Variants in CDS2 observed in about 807,000 individuals in gnomAD.
CDS2 encodes CDP-diacylglycerol synthase 2.
Under a neutral mutation model 59.0 loss-of-function variants are expected in CDS2, and 47 were observed. The ratio of observed to expected loss-of-function variants is 0.80; its 90% CI spans 0.63 to 1.02. CDS2 has a LOEUF of 1.02. CDS2 is among the 50% of genes least tolerant of loss of function. CDS2 has a pLI of 0.00. For synonymous variants in CDS2, 207 were observed against 206.4 expected, an observed-to-expected ratio of 1.00 and a Z score of -0.02; for missense variants, 356 against 558.9, an observed-to-expected ratio of 0.64 and a Z score of 3.66.
chr20:5,170,381 C>T (rs534404349), intron 1 of CDS2, among the ~76,000 whole-genome samples: 6 of 152,286 alleles, frequency 3.9e-5, no homozygotes, highest in East Asian at 1.9e-4. Flanking sequence ...CTTCCTTTTC[C>T]GGGGTATGAG....
chr20:5,185,371 G>A (rs2091059892), intron 8 of CDS2, among the ~76,000 whole-genome samples: 1 of 152,184 alleles, frequency 6.6e-6, no homozygotes, highest in Admixed American at 6.5e-5. Context: ...GCTTCAAGGA[G>A]CTGTGATAGT....
chr20:5,191,542 G>A lies in CDS2; in HGVS notation c.*1308G>A, dbSNP rs1029329796. On this transcript the variant is annotated 3_prime_UTR_variant, in exon 13 of 13. Transcript: ENST00000460006. Reference sequence around the variant, plus strand: ...GCACCCAAATATATCAAACTATTCCGTGCCGTGGATGTTTTCATTGCCAAC... The same window carrying A: ...GCACCCAAATATATCAAACTATTCCATGCCGTGGATGTTTTCATTGCCAAC... 5 of 152,132 alleles carry A rather than the reference G, an allele frequency of 3.3e-5. No homozygotes were observed. Among genetic ancestry groups the A allele is most frequent in the Non-Finnish European group, 2.9e-5 (2 of 68,032 alleles). The allele number at this position is 152,132 out of a possible 1,614,324, so 9.4% of individuals were successfully genotyped here. A position where few individuals can be genotyped will look rare whatever the true frequency, so the allele number is the denominator to read the frequency against.
chr20:5,177,683 G>A (rs1051115004), intron 4 of CDS2, among the ~76,000 whole-genome samples: 6 of 152,136 alleles, frequency 3.9e-5, no homozygotes, highest in Non-Finnish European at 7.4e-5. Context: ...GGAGAGCAGT[G>A]GTTTTTGCCC....
intron 1 of CDS2, among the ~76,000 whole-genome samples, chr20:5,136,141 A>G (rs1197862061): frequency 6.6e-6 from 1 of 151,588 alleles, no homozygotes; most frequent in African/African-American, 2.4e-5. Context: ...TGAGTGGGCA[A>G]CTCTCAGAGC....
chr20:5,189,144 A>C lies in CDS2; in HGVS notation c.1059A>C (p.Gly353=), dbSNP rs758192217. 2 of 1,614,182 alleles carry C rather than the reference A, an allele frequency of 1.2e-6. No homozygotes were observed. The highest frequency in any genetic ancestry group is 1.7e-5 in the Admixed American group (1 of 60,026). ...STFASLIGPF[G]GFFASGFKRA... is the part of the protein sequence containing the mutation. ...TTGCCTCGCTCATTGGCCCCTTTGG[A>C]GGATTCTTCGCAAGTGGATTCAAAC... Residue 353 remains glycine (G), a synonymous_variant, in exon 11 of 13, where the codon GGA becomes GGC. Transcript: ENST00000460006.
At chr20:5,130,849 T>C (rs2090600236) in intron 1 of CDS2, among the ~76,000 whole-genome samples, 2 of 151,504 alleles carry the variant, frequency 1.3e-5, no homozygotes, top group Admixed American at 1.3e-4. Context: ...CCCAGCACTT[T>C]GGGAGGACGA....
At chr20:5,152,056 G>A (rs916790020) in intron 1 of CDS2, among the ~76,000 whole-genome samples, 50 of 149,768 alleles carry the variant, frequency 3.3e-4, no homozygotes, top group African/African-American at 1.2e-3. Flanking sequence ...GAGCCACTGC[G>A]CCTGGTCTGA....
intron 7 of CDS2, among the ~76,000 whole-genome samples, chr20:5,183,812 T>C (rs2091048097): frequency 6.6e-6 from 1 of 152,262 alleles, no homozygotes; most frequent in African/African-American, 2.4e-5. Context: ...TGGTTTCATG[T>C]ATCAGCATTG....
chr20:5,166,701 A>G (rs1021132929), intron 1 of CDS2, among the ~76,000 whole-genome samples: 1 of 152,170 alleles, frequency 6.6e-6, no homozygotes, highest in East Asian at 1.9e-4. Context: ...GTGTTTTTCA[A>G]TAGTAGCATT....
At chr20:5,187,706 C>G (rs1018134343) in intron 10 of CDS2, 1 of 151,800 alleles carries the variant, frequency 6.6e-6, no homozygotes, top group Admixed American at 6.6e-5. Flanking sequence ...CATGGCGAAA[C>G]CCCGTCTTTA....
intron 1 of CDS2, among the ~76,000 whole-genome samples, chr20:5,140,552 G>A (rs1427150986): frequency 6.6e-6 from 1 of 152,180 alleles, no homozygotes; most frequent in East Asian, 1.9e-4. Context: ...TTTCTCACCT[G>A]AACAATAGGG....
chr20:5,127,228 C>T (rs192509073), intron 1 of CDS2, 79 bp downstream of exon 1: 4 of 1,275,364 alleles, frequency 3.1e-6, no homozygotes, highest in Non-Finnish European at 3.1e-6. Context: ...GCAGAGGGGT[C>T]GTCTTGTTCT....
intron 1 of CDS2, among the ~76,000 whole-genome samples, chr20:5,165,828 T>G (rs895491991): frequency 6.6e-6 from 1 of 152,110 alleles, no homozygotes; most frequent in Admixed American, 6.6e-5. Context: ...TGGGTTTTAG[T>G]AGAGGGTGGT....
chr20:5,187,607 A>G (rs2091079054), intron 10 of CDS2: 1 of 152,210 alleles, frequency 6.6e-6, no homozygotes. Flanking sequence ...GAGGCTAGGC[A>G]CAGTGGCTCA....
At chr20:5,141,977 A>G (rs1380979356) in intron 1 of CDS2, among the ~76,000 whole-genome samples, 2 of 152,194 alleles carry the variant, frequency 1.3e-5, no homozygotes, top group African/African-American at 4.8e-5. Context: ...AAAACATGGA[A>G]GAGTGGGGAG....
chr20:5,182,873 T>A (rs549275316), intron 6 of CDS2, among the ~76,000 whole-genome samples, 188 bp from the exon 7 acceptor site: 1 of 152,318 alleles, frequency 6.6e-6, no homozygotes, highest in East Asian at 1.9e-4. Context: ...CACTCACTAG[T>A]GGGCTGTGGG....
At chr20:5,147,019 ATGATTTC>A (rs1350361400) in intron 1 of CDS2, among the ~76,000 whole-genome samples, 1 of 152,228 alleles carries the variant, frequency 6.6e-6, no homozygotes, top group Non-Finnish European at 1.5e-5. Context: ...TGAAAAACGC[ATGATTTC>A]TGCTCACATG....
At chr20:5,136,076 C>G (rs1049642442) in intron 1 of CDS2, among the ~76,000 whole-genome samples, 1 of 152,166 alleles carries the variant, frequency 6.6e-6, no homozygotes, top group Non-Finnish European at 1.5e-5. Context: ...GGGCAACACT[C>G]TCTGCCCCTG....
chr20:5,148,811 C>A (rs138825614), intron 1 of CDS2, among the ~76,000 whole-genome samples: 58 of 152,306 alleles, frequency 3.8e-4, no homozygotes, highest in African/African-American at 1.4e-3. Flanking sequence ...CAGCCAAACA[C>A]CCAGTTTTCT....
Sources: gnomAD v4.1 joint callset for allele counts (sites outside exome capture counted in the v4.1 genomes callset) on GRCh38, gnomAD v4.1.1 for gene constraint, MANE v1.5 for transcripts, NCBI Gene and HGNC (gene_info 2026-07-23, HGNC 2026-07-21) for gene names.